Variants in BTBD16 observed in about 807,000 individuals in gnomAD.
The protein encoded by BTBD16 is BTB/POZ domain-containing protein 16.
A neutral mutation model predicts 67.4 loss-of-function variants in BTBD16; 66 were observed. The observed-to-expected ratio is 0.98, with a 90% confidence interval of 0.80 to 1.20. The LOEUF (loss-of-function observed/expected upper bound fraction) is 1.20, where lower values mean the gene tolerates loss of function less well. Among genes scored for constraint, BTBD16 ranks in the 50% most tolerant of loss-of-function variants. The probability of loss-of-function intolerance (pLI) is 0.00; values close to 1 mark genes in which losing one functional copy is unlikely to be tolerated. For synonymous variants in BTBD16, 242 were observed against 236.4 expected (o/e 1.02, Z -0.22); for missense variants, 634 against 616.0 (o/e 1.03, Z -0.31).
chr10:122,332,689 C>A, intron 13 of BTBD16, 176 bp downstream of exon 13: 4 of 658,602 alleles, frequency 6.1e-6, no homozygotes, highest in Non-Finnish European at 7.5e-6. Flanking sequence ...ATAAAATTCA[C>A]AAGGGAGGGG....
At chr10:122,284,040 T>G in intron 4 of BTBD16, 116 bp downstream of exon 4, 1 of 732,350 alleles carries the variant, frequency 1.4e-6, no homozygotes, top group Non-Finnish European at 2.4e-6. Flanking sequence ...TAAGTTGCAA[T>G]TCTCATCCAC....
At chr10:122,278,302 A>ATAT (rs1254785954) in intron 3 of BTBD16, among the ~76,000 whole-genome samples, 2 of 152,204 alleles carry the variant, frequency 1.3e-5, no homozygotes, top group African/African-American at 4.8e-5. Flanking sequence ...AAAGCAGTCT[A>ATAT]TCAATGGGGC....
chr10:122,300,761 C>G (rs1590068397), intron 9 of BTBD16, among the ~76,000 whole-genome samples: 1 of 152,128 alleles, frequency 6.6e-6, no homozygotes, highest in East Asian at 1.9e-4. Context: ...GTACCCATTT[C>G]CAAGTTACCA....
chr10:122,310,075 T>C (rs1024429306), intron 10 of BTBD16, among the ~76,000 whole-genome samples: 16 of 152,126 alleles, frequency 1.1e-4, no homozygotes, highest in African/African-American at 3.9e-4. Flanking sequence ...CTGGGTCCAT[T>C]TTTATGTAGC....
intron 10 of BTBD16, among the ~76,000 whole-genome samples, chr10:122,318,529 G>T (rs1396122372): frequency 6.6e-6 from 1 of 152,116 alleles, no homozygotes; most frequent in African/African-American, 2.4e-5. Flanking sequence ...AAAACAGTAG[G>T]TGTATGTTTA....
At chr10:122,285,682 C>T (rs565311380) in intron 4 of BTBD16, among the ~76,000 whole-genome samples, 5 of 152,246 alleles carry the variant, frequency 3.3e-5, no homozygotes, top group Middle Eastern at 3.4e-3. Flanking sequence ...CCAACAGGCA[C>T]GTATCTGGCC....
At chr10:122,274,606 G>A (rs2096336357) in intron 1 of BTBD16, among the ~76,000 whole-genome samples, 1 of 152,182 alleles carries the variant, frequency 6.6e-6, no homozygotes, top group Non-Finnish European at 1.5e-5. Context: ...TCATGACCCT[G>A]TAAGCTAGGG....
intron 7 of BTBD16, among the ~76,000 whole-genome samples, chr10:122,296,170 A>G (rs1234589863): frequency 6.6e-6 from 1 of 152,160 alleles, no homozygotes; most frequent in Non-Finnish European, 1.5e-5. Context: ...TACTATTAGT[A>G]TGAAAACTGT....
At chr10:122,291,052 G>A (rs866077792) in intron 6 of BTBD16, 28 bp from the exon 7 acceptor site, 1 of 1,600,790 alleles carries the variant, frequency 6.2e-7, no homozygotes, top group Non-Finnish European at 8.5e-7. Context: ...GCCCCACACA[G>A]ATGGCTCGCT....
At chr10:122,317,542 G>A (rs1395359938) in intron 10 of BTBD16, among the ~76,000 whole-genome samples, 1 of 152,134 alleles carries the variant, frequency 6.6e-6, no homozygotes, top group Non-Finnish European at 1.5e-5. Flanking sequence ...AGCTACTTGG[G>A]AGGCTGAGGC....
chr10:122,304,025 C>T (rs2096398909), intron 9 of BTBD16, among the ~76,000 whole-genome samples: 1 of 152,226 alleles, frequency 6.6e-6, no homozygotes, highest in South Asian at 2.1e-4. Context: ...AGTGAGACCT[C>T]AAAGGGCCTT....
chr10:122,323,626 T>G (rs1301005528), intron 10 of BTBD16, among the ~76,000 whole-genome samples: 1 of 151,166 alleles, frequency 6.6e-6, no homozygotes, highest in Admixed American at 6.6e-5. Flanking sequence ...GTGATTATAC[T>G]AATTGAAATG....
chr10:122,312,303 CTTTTTCTTT>C (rs2096415172), intron 10 of BTBD16, among the ~76,000 whole-genome samples: 1 of 130,584 alleles, frequency 7.7e-6, no homozygotes, highest in African/African-American at 2.9e-5. Flanking sequence ...TTTTCTTTTT[CTTTTTCTTT>C]TTTTTTTTTT....
In BTBD16 at chr10:122,332,481, C is replaced by T; in HGVS notation, c.1132C>T (p.Gln378Ter). 1.9e-6 allele frequency: 3 copies of T among 1,614,090 alleles called. No individual in the cohort carries two copies. Among genetic ancestry groups the T allele is most frequent in the Non-Finnish European group, 2.5e-6 (3 of 1,180,012 alleles). The change falls in exon 13 of 16, where the codon CAG becomes TAG. Residue 378 changes from glutamine to a stop codon, truncating the protein, a stop_gained. Coordinates refer to ENST00000260723, the MANE Select transcript of BTBD16 (RefSeq NM_144587.5). LOFTEE classifies it high-confidence loss of function. ...GGTCCACCTGAAAGATCTTAACACC[C>T]AGGCTGTGAGATTTGGGCTGCTCTT... ...DMVHLKDLNT[Q>*]AVRFGLLFNQ... is the part of the protein sequence containing the mutation.
intron 8 of BTBD16, among the ~76,000 whole-genome samples, chr10:122,298,115 C>T (rs1312577685): frequency 2.0e-5 from 3 of 152,172 alleles, no homozygotes; most frequent in African/African-American, 7.2e-5. Flanking sequence ...AGCCGAAGAC[C>T]TTCCAGAACA....
chr10:122,298,279 C>G (rs995448474), intron 8 of BTBD16, among the ~76,000 whole-genome samples: 2 of 152,182 alleles, frequency 1.3e-5, no homozygotes, highest in Non-Finnish European at 2.9e-5. Flanking sequence ...GTCCAAAGCC[C>G]AGGCCTCCTG....
chr10:122,286,230 C>T lies in BTBD16; in HGVS notation c.367C>T (p.Leu123=). 1.2e-6 allele frequency: 2 copies of T among 1,609,248 alleles called. No homozygotes were observed. Among genetic ancestry groups the T allele is most frequent in the South Asian group, 1.1e-5 (1 of 90,738 alleles). ...GGGCACCACACACCCCCTGAGGGAG[C>T]TGGAGGAGCTTCTGCGAGGTACTTC... ...AQGTTHPLRE[L]EELLRAQSPK... The change falls in exon 5 of 16, where the codon CTG becomes TTG. Residue 123 remains leucine (L), a synonymous_variant. Coordinates refer to ENST00000260723, the MANE Select transcript of BTBD16 (RefSeq NM_144587.5).
At chr10:122,313,367 C>T (rs1003235696) in intron 10 of BTBD16, among the ~76,000 whole-genome samples, 2 of 148,882 alleles carry the variant, frequency 1.3e-5, no homozygotes, top group South Asian at 2.2e-4. Context: ...CGGGTTCAAA[C>T]GATTCTGCTC....
intron 1 of BTBD16, among the ~76,000 whole-genome samples, chr10:122,274,138 C>T (rs1246965624): frequency 2.0e-5 from 3 of 152,222 alleles, no homozygotes; most frequent in Non-Finnish European, 4.4e-5. Context: ...ACCAGCTCAC[C>T]CACTTCTCCT....
Sources: allele counts gnomAD v4.1 joint callset (sites outside exome capture counted in the v4.1 genomes callset), GRCh38; gene constraint gnomAD v4.1.1; transcripts MANE v1.5; gene names NCBI Gene and HGNC (gene_info 2026-07-23, HGNC 2026-07-21).